SURF4: variants seen among roughly 807,000 people sequenced by gnomAD.
The protein encoded by SURF4 is surfeit 4.
Under a neutral mutation model 30.0 loss-of-function variants are expected in SURF4, and 3 were observed. The observed-to-expected ratio is 0.10, with a 90% CI of 0.05 to 0.26. SURF4 has a LOEUF of 0.26. SURF4 is among the 10% of genes least tolerant of loss of function. SURF4 has a pLI of 1.00. For synonymous variants in SURF4, 143 were observed against 139.9 expected (o/e 1.02, Z -0.16); for missense variants, 217 against 350.8 (o/e 0.62, Z 3.05).
upstream of SURF4, chr9:133,376,523 GC>G: frequency 6.2e-7 from 1 of 1,601,772 alleles, no homozygotes; most frequent in Non-Finnish European, 8.5e-7. Context: ...GGGGAGCGAG[GC>G]CCAGGGTCCC....
chr9:133,363,792 A>G lies in SURF4; in HGVS notation c.544-33T>C. 1.2e-6 allele frequency: 2 copies of G among 1,612,752 alleles called. No homozygotes were observed. Among genetic ancestry groups the G allele is most frequent in the Non-Finnish European group, 1.7e-6 (2 of 1,179,048 alleles). On this transcript the variant is annotated intron_variant, in intron 5 of 5. Transcript: ENST00000371989. The surrounding 1 kb of genome is among the most constrained non-coding windows in gnomAD (Gnocchi z 4.3). ...GGTTGAAACGTAAGAAATTCAAAAT[A>G]AATGTGAGGAAAAGAGATGCTTTAT...
At chr9:133,374,724 AG>A (rs972154147) in intron 1 of SURF4, among the ~76,000 whole-genome samples, 3 of 152,200 alleles carry the variant, frequency 2.0e-5, no homozygotes, top group Non-Finnish European at 2.9e-5. Flanking sequence ...ACCGATGGTG[AG>A]GTCACACTAG....
chr9:133,375,367 G>A (rs1200478429), intron 1 of SURF4: 1 of 985,728 alleles, frequency 1.0e-6, no homozygotes, highest in Non-Finnish European at 1.2e-6. Context: ...AGGGTCAAAG[G>A]GACCCCAAGA....
chr9:133,366,928 C>A (rs1460851320), intron 2 of SURF4, among the ~76,000 whole-genome samples: 1 of 152,224 alleles, frequency 6.6e-6, no homozygotes, highest in East Asian at 1.9e-4. Context: ...AATCAGCTCC[C>A]AAGTCAGCCA....
chr9:133,376,913 A>G (rs1467523815), upstream of SURF4, among the ~76,000 whole-genome samples: 1 of 152,242 alleles, frequency 6.6e-6, no homozygotes, highest in Non-Finnish European at 1.5e-5. Flanking sequence ...CCAGTCCCCT[A>G]AAAACACCCC....
At position 133,363,379 on chromosome 9, in the gene SURF4, C is replaced by G; in HGVS notation, c.*114G>C. 6.5e-7 allele frequency: 1 copy of G among 1,536,538 alleles called. No individual in the cohort carries two copies. Among genetic ancestry groups the G allele is most frequent in the South Asian group, 1.1e-5 (1 of 87,304 alleles). ...AGTTCTCAAAACATCTGTGCCTTTA[C>G]CAAGGGAGGGGAAGGGAAGAGGATA... On this transcript the variant is annotated 3_prime_UTR_variant, in exon 6 of 6. Coordinates refer to ENST00000371989, the MANE Select transcript of SURF4 (RefSeq NM_033161.4). This position sits in a 1 kb window ranked among gnomAD's most constrained non-coding sequence, Gnocchi z 4.3.
intron 1 of SURF4, among the ~76,000 whole-genome samples, chr9:133,374,708 A>G (rs1837757599): frequency 6.6e-6 from 1 of 152,226 alleles, no homozygotes; most frequent in Non-Finnish European, 1.5e-5. Context: ...AAGTGTTGCA[A>G]TGAGAACCGA....
At position 133,363,056 on chromosome 9, in the gene SURF4, C is replaced by A; in HGVS notation, c.*437G>T. On this transcript the variant is annotated 3_prime_UTR_variant, in exon 6 of 6. Transcript: ENST00000371989. The surrounding 1 kb of genome is among the most constrained non-coding windows in gnomAD (Gnocchi z 4.3). ...ACTGTTTTGAGGTTTGGCTGAACCA[C>A]CCAAAATAATTTAGTAGTTTCCGCT... The A allele has an allele frequency of 3.3e-6, 1 of 305,622 alleles. No homozygotes were observed. Among genetic ancestry groups the A allele is most frequent in the South Asian group, 3.5e-5 (1 of 28,644 alleles). The allele number at this position is 305,622 out of a possible 1,614,324, so 18.9% of individuals were successfully genotyped here.
At chr9:133,365,239 C>CA (rs1418557922) in intron 4 of SURF4, among the ~76,000 whole-genome samples, 5 of 152,122 alleles carry the variant, frequency 3.3e-5, no homozygotes, top group Non-Finnish European at 4.4e-5. Flanking sequence ...GCTCAGGAGA[C>CA]AGAGGTATCT....
At chr9:133,375,169 A>G (rs1398298052) in intron 1 of SURF4, 1 of 967,984 alleles carries the variant, frequency 1.0e-6, no homozygotes, top group Non-Finnish European at 1.2e-6. Context: ...CTGTCCACCC[A>G]GTTCCCGAAT....
Position 133,364,979 on chromosome 9 carries a change from C to T in SURF4, c.404G>A (p.Arg135His), listed in dbSNP as rs2130112432. Reference sequence around the variant, plus strand: ...CGCAAACATGCTCTTCCCTTCAGAACGGGATTCTGCTAGGAGCAGCAACAG... The same window carrying T: ...CGCAAACATGCTCTTCCCTTCAGAATGGGATTCTGCTAGGAGCAGCAACAG... ...GGLLLLLAES[R>H]SEGKSMFAGV... is the part of the protein sequence containing the mutation. The change falls in exon 5 of 6, where the codon CGT becomes CAT. Residue 135 changes from arginine to histidine, a missense_variant. Transcript: ENST00000371989. 1.6e-5 allele frequency: 25 copies of T among 1,606,494 alleles called. No homozygotes were observed. The highest frequency in any genetic ancestry group is 9.4e-5 in the African/African-American group (7 of 74,726).
At chr9:133,368,625 A>G (rs141687953) in intron 1 of SURF4, among the ~76,000 whole-genome samples, 1 of 152,382 alleles carries the variant, frequency 6.6e-6, no homozygotes, top group Non-Finnish European at 1.5e-5. Context: ...AATCACTGTC[A>G]AATGTCAAAG....
chr9:133,377,402 C>G (rs905916878), upstream of SURF4, among the ~76,000 whole-genome samples: 1 of 152,238 alleles, frequency 6.6e-6, no homozygotes, highest in African/African-American at 2.4e-5. Context: ...CGGTGGCTCA[C>G]GCCTGTAATC....
chr9:133,363,882 T>C lies in SURF4; in HGVS notation c.544-123A>G. Reference sequence around the variant, plus strand: ...TCCATCAGGCTGATGTAGCTACTGCTGAGACGGCTGCTGGTGCAAGTAGGG... The same window carrying C: ...TCCATCAGGCTGATGTAGCTACTGCCGAGACGGCTGCTGGTGCAAGTAGGG... On this transcript the variant is annotated intron_variant, in intron 5 of 5. Transcript: ENST00000371989. This position sits in a 1 kb window ranked among gnomAD's most constrained non-coding sequence, Gnocchi z 4.3. 8.1e-7 allele frequency: 1 copy of C among 1,239,150 alleles called. No individual in the cohort carries two copies. The highest frequency in any genetic ancestry group is 1.2e-6 in the Non-Finnish European group (1 of 857,486). The allele number at this position is 1,239,150 out of a possible 1,614,324, so 76.8% of individuals were successfully genotyped here.
chr9:133,363,070 G>A lies in SURF4; in HGVS notation c.*423C>T, dbSNP rs1400710239. 4 of 324,296 alleles carry A rather than the reference G, an allele frequency of 1.2e-5. No homozygotes were observed. The highest frequency in any genetic ancestry group is 1.4e-4 in the East Asian group (2 of 13,904). The allele number at this position is 324,296 out of a possible 1,614,324, so 20.1% of individuals were successfully genotyped here. A position where few individuals can be genotyped will look rare whatever the true frequency, so the allele number is the denominator to read the frequency against. On this transcript the variant is annotated 3_prime_UTR_variant, in exon 6 of 6. Transcript: ENST00000371989. The surrounding 1 kb of genome is among the most constrained non-coding windows in gnomAD (Gnocchi z 4.3). The stretch of plus-strand genomic sequence containing the variant: ...TGGCTGAACCACCCAAAATAATTTA[G>A]TAGTTTCCGCTAAAAATGTAAACTT...
intron 3 of SURF4, among the ~76,000 whole-genome samples, chr9:133,366,395 C>A (rs1326127337): frequency 1.3e-5 from 2 of 152,158 alleles, no homozygotes; most frequent in African/African-American, 2.4e-5. Flanking sequence ...AGAAATGGGA[C>A]AAAAGATGGC....
intron 1 of SURF4, among the ~76,000 whole-genome samples, chr9:133,372,014 C>T (rs1837535851): frequency 1.3e-5 from 2 of 152,242 alleles, no homozygotes; most frequent in Non-Finnish European, 2.9e-5. Flanking sequence ...TGGGTATAAA[C>T]TGCTTAGAAG....
In SURF4 at chr9:133,363,766, A is replaced by G. The variant is rs1836981348; in HGVS notation, c.544-7T>C. ...CCACGATGTTCTGGACAATCTGCAT[A>G]GGTTGAAACGTAAGAAATTCAAAAT... On this transcript the variant is annotated splice_polypyrimidine_tract_variant and splice_region_variant and intron_variant, in intron 5 of 5. Coordinates refer to ENST00000371989, the MANE Select transcript of SURF4 (RefSeq NM_033161.4). The surrounding 1 kb of genome is among the most constrained non-coding windows in gnomAD (Gnocchi z 4.3). The G allele has an allele frequency of 1.9e-6, 3 of 1,613,694 alleles. No homozygotes were observed. The highest frequency in any genetic ancestry group is 2.5e-6 in the Non-Finnish European group (3 of 1,179,678).
chr9:133,367,079 G>A (rs184264259), intron 2 of SURF4, among the ~76,000 whole-genome samples, 180 bp downstream of exon 2: 8 of 152,352 alleles, frequency 5.3e-5, no homozygotes. Context: ...TAGAGACTAA[G>A]CGTCCCCACC....
Sources: gnomAD v4.1 joint callset for allele counts (sites outside exome capture counted in the v4.1 genomes callset) on GRCh38, gnomAD v4.1.1 for gene constraint, Gnocchi (gnomAD v3.1) non-coding constraint, MANE v1.5 for transcripts, NCBI Gene and HGNC (gene_info 2026-07-23, HGNC 2026-07-21) for gene names.